SOS1: variants seen among roughly 807,000 people sequenced by gnomAD.
SOS1 encodes son of sevenless homolog 1.
Under a neutral mutation model 157.6 loss-of-function variants are expected in SOS1, and 25 were observed. The observed-to-expected ratio is 0.16, with a 90% confidence interval of 0.12 to 0.22. The LOEUF (loss-of-function observed/expected upper bound fraction) is 0.22, where lower values mean the gene tolerates loss of function less well. Ranked by LOEUF, SOS1 falls within the 10% of genes least tolerant of loss-of-function variation. SOS1 has a pLI of 1.00. For synonymous variants in SOS1, 528 were observed against 534.0 expected (o/e 0.99, Z 0.16); for missense variants, 1,237 against 1,599.1 (o/e 0.77, Z 3.86).
In SOS1 at chr2:39,051,137, T is replaced by C. The variant is rs1221165907; in HGVS notation, c.864+7A>G. On this transcript the variant is annotated splice_region_variant and intron_variant, in intron 6 of 22. Transcript: ENST00000402219. Reference sequence around the variant, plus strand: ...AGACTTTTCGGGTATATAATTGAAGTACTTACCTCTGCTAAGTCTTCAAAG... The same window carrying C: ...AGACTTTTCGGGTATATAATTGAAGCACTTACCTCTGCTAAGTCTTCAAAG... The C allele has an allele frequency of 6.2e-7, 1 of 1,612,664 alleles. No homozygotes were observed. Among genetic ancestry groups the C allele is most frequent in the Non-Finnish European group, 8.5e-7 (1 of 1,178,734 alleles).
At chr2:39,104,178 G>A (rs185537229) in intron 1 of SOS1, among the ~76,000 whole-genome samples, 2 of 152,094 alleles carry the variant, frequency 1.3e-5, no homozygotes, top group Non-Finnish European at 2.9e-5. Flanking sequence ...GCTACTCATG[G>A]GGCCGAGGCA....
Position 39,120,958 on chromosome 2 carries a change from G to C in SOS1, c.-536C>G, listed in dbSNP as rs2148244816. The C allele has an allele frequency of 5.8e-6, 1 of 171,106 alleles. No individual in the cohort carries two copies. The allele number at this position is 171,106 out of a possible 1,614,324, so 10.6% of individuals were successfully genotyped here. A position where few individuals can be genotyped will look rare whatever the true frequency, so the allele number is the denominator to read the frequency against. On this transcript the variant is annotated 5_prime_UTR_variant, in exon 1 of 23. Coordinates refer to ENST00000402219, the MANE Select transcript of SOS1 (RefSeq NM_005633.4). Reference sequence around the variant, plus strand: ...CCGGAGGTCGTTGTTGGGGAATCTGGCTGCCCTGAGGTGCCGCCGCGGCCG... The same window carrying C: ...CCGGAGGTCGTTGTTGGGGAATCTGCCTGCCCTGAGGTGCCGCCGCGGCCG...
chr2:38,999,184 C>T (rs563531327), intron 17 of SOS1, among the ~76,000 whole-genome samples: 76 of 152,298 alleles, frequency 5.0e-4, no homozygotes, highest in African/African-American at 1.7e-3. Flanking sequence ...CTAAGCAAAG[C>T]AGCAGTGTGT....
At chr2:38,986,372 A>T in intron 22 of SOS1, 57 bp from the exon 23 acceptor site, 1 of 1,474,674 alleles carries the variant, frequency 6.8e-7, no homozygotes. Context: ...AAGTATCATG[A>T]CTATAAGAAT....
In SOS1 at chr2:39,112,101, G is replaced by C. The variant is rs528937510; in HGVS notation, c.87+8235C>G. ...AACTCACCAAGATTTTGAATCCATG[G>C]AGCCCTAATTTTTCTTCCAATCCAT... On this transcript the variant is annotated intron_variant, in intron 1 of 22. Coordinates refer to ENST00000402219, the MANE Select transcript of SOS1 (RefSeq NM_005633.4). Among the ~76,000 whole-genome samples the C allele has an allele frequency of 5.9e-5, 9 of 152,038 alleles. No individual in the cohort carries two copies. In the East Asian group the frequency reaches 1.7e-3, roughly 29 times the overall value.
chr2:39,088,048 T>A (rs1470299496), intron 1 of SOS1, among the ~76,000 whole-genome samples: 1 of 150,482 alleles, frequency 6.6e-6, no homozygotes, highest in East Asian at 1.9e-4. Flanking sequence ...TGAAGTAATG[T>A]GTAAATATTA....
intron 1 of SOS1, among the ~76,000 whole-genome samples, chr2:39,083,564 G>A (rs1462212966): frequency 1.3e-5 from 2 of 152,312 alleles, no homozygotes; most frequent in South Asian, 2.1e-4. Flanking sequence ...TAGATGGGAG[G>A]AGAAAGATGG....
chr2:38,983,148 T>C lies in SOS1; in HGVS notation c.*2676A>G, dbSNP rs1276433942. The C allele has an allele frequency of 6.6e-6, 1 of 152,174 alleles. No individual in the cohort carries two copies. Among genetic ancestry groups the C allele is most frequent in the Non-Finnish European group, 1.5e-5 (1 of 68,016 alleles). The allele number at this position is 152,174 out of a possible 1,614,324, so 9.4% of individuals were successfully genotyped here. A position where few individuals can be genotyped will look rare whatever the true frequency, so the allele number is the denominator to read the frequency against. On this transcript the variant is annotated 3_prime_UTR_variant, in exon 23 of 23. Coordinates refer to ENST00000402219, the MANE Select transcript of SOS1 (RefSeq NM_005633.4). Reference sequence around the variant, plus strand: ...ATTTTGGAATGTGGTTAACAAAAAGTCATGCTGCATTTACCCCCTTGTAAT... The same window carrying C: ...ATTTTGGAATGTGGTTAACAAAAAGCCATGCTGCATTTACCCCCTTGTAAT...
intron 1 of SOS1, among the ~76,000 whole-genome samples, chr2:39,069,115 G>A (rs1308768251): frequency 3.5e-5 from 5 of 144,412 alleles, no homozygotes; most frequent in Non-Finnish European, 6.0e-5. Context: ...AGAGGCTGAG[G>A]AAGGAGGAAC....
At chr2:39,012,025 A>G in intron 14 of SOS1, 101 bp downstream of exon 14, 2 of 869,698 alleles carry the variant, frequency 2.3e-6, no homozygotes. Context: ...GTAATATTTC[A>G]GTTAAGTCTT....
intron 20 of SOS1, chr2:38,993,810 T>C (rs1364085301): frequency 6.6e-6 from 1 of 152,148 alleles, no homozygotes; most frequent in Admixed American, 6.6e-5. Flanking sequence ...TATGTCAAAT[T>C]AGGGGGAACT....
intron 17 of SOS1, among the ~76,000 whole-genome samples, chr2:39,001,690 T>C (rs1669104595): frequency 6.6e-6 from 1 of 152,130 alleles, no homozygotes; most frequent in African/African-American, 2.4e-5. Context: ...AGCAATAACA[T>C]CTGGCTTTAC....
At chr2:39,010,553 T>C (rs1226121140) in intron 15 of SOS1, 31 bp downstream of exon 15, 2 of 1,591,726 alleles carry the variant, frequency 1.3e-6, no homozygotes, top group South Asian at 1.1e-5. Flanking sequence ...AGCTGACAGC[T>C]ATAAAATATA....
chr2:39,123,102 C>CT (rs1449269927), upstream of SOS1, among the ~76,000 whole-genome samples: 1 of 152,202 alleles, frequency 6.6e-6, no homozygotes, highest in Non-Finnish European at 1.5e-5. Flanking sequence ...TCCTAGAAAA[C>CT]AACAACCTGC....
intron 8 of SOS1, among the ~76,000 whole-genome samples, chr2:39,030,051 G>T (rs1218648856): frequency 2.0e-5 from 3 of 151,636 alleles, no homozygotes; most frequent in Non-Finnish European, 4.4e-5. Context: ...ATGTGCCTAC[G>T]GTCCTAGCTA....
chr2:38,993,928 A>G (rs1668812847), intron 20 of SOS1: 1 of 152,232 alleles, frequency 6.6e-6, no homozygotes, highest in South Asian at 2.1e-4. Context: ...CGAACAAATG[A>G]AAAAGGGTTC....
intron 1 of SOS1, among the ~76,000 whole-genome samples, chr2:39,090,086 G>A (rs1048782088): frequency 1.4e-5 from 2 of 147,978 alleles, no homozygotes; most frequent in South Asian, 2.1e-4. Context: ...GTTGTGGTAA[G>A]CTGAGATAAC....
intron 6 of SOS1, among the ~76,000 whole-genome samples, chr2:39,036,900 G>A (rs563450894): frequency 6.6e-6 from 1 of 151,400 alleles, no homozygotes; most frequent in Non-Finnish European, 1.5e-5. Context: ...TGATCTGCTG[G>A]ACTCAAGTGA....
chr2:39,016,944 C>G (rs1669650026), intron 10 of SOS1, among the ~76,000 whole-genome samples: 1 of 152,070 alleles, frequency 6.6e-6, no homozygotes, highest in African/African-American at 2.4e-5. Flanking sequence ...TCTTCTTAAG[C>G]CAAAACTTCT....
Sources: allele counts gnomAD v4.1 joint callset (sites outside exome capture counted in the v4.1 genomes callset), GRCh38; gene constraint gnomAD v4.1.1; transcripts MANE v1.5; gene names NCBI Gene and HGNC (gene_info 2026-07-23, HGNC 2026-07-21).